FMN1: variants seen among roughly 807,000 people sequenced by gnomAD.
FMN1 encodes formin 1.
Under a neutral mutation model 132.4 loss-of-function variants are expected in FMN1, and 110 were observed. That is an observed-to-expected ratio of 0.83 (90% CI 0.71 to 0.97). FMN1 has a LOEUF of 0.97. FMN1 is among the 50% of genes least tolerant of loss of function. The pLI, the probability that FMN1 is intolerant of heterozygous loss-of-function variation, is 0.00. For synonymous variants in FMN1, 722 were observed against 651.7 expected, an observed-to-expected ratio of 1.11 and a Z score of -1.64; for missense variants, 1,792 against 1,705.3, an observed-to-expected ratio of 1.05 and a Z score of -0.90.
At chr15:32,915,970 GCTT>G (rs894930008) in intron 10 of FMN1, among the ~76,000 whole-genome samples, 14 of 152,138 alleles carry the variant, frequency 9.2e-5, no homozygotes, top group African/African-American at 2.7e-4. Context: ...TGGTTTCTGG[GCTT>G]CTTTTTTGCA....
intron 4 of FMN1, among the ~76,000 whole-genome samples, chr15:33,107,355 A>G (rs540181762): frequency 3.3e-4 from 50 of 152,156 alleles, no homozygotes; most frequent in Non-Finnish European, 6.3e-4. Context: ...CATGCCAACG[A>G]TCTTTTAAAA....
chr15:33,123,831 A>G (rs1175443258), intron 4 of FMN1, among the ~76,000 whole-genome samples: 2 of 152,222 alleles, frequency 1.3e-5, no homozygotes, highest in Non-Finnish European at 2.9e-5. Context: ...GCTTAGGCAG[A>G]ATAGAATTTG....
At chr15:33,149,116 T>A (rs981090715) in intron 4 of FMN1, among the ~76,000 whole-genome samples, 1 of 152,038 alleles carries the variant, frequency 6.6e-6, no homozygotes, top group Non-Finnish European at 1.5e-5. Context: ...GAAATAAAAT[T>A]AATGCCTTTC....
In FMN1 at chr15:32,770,486, C is replaced by T. The variant is rs2140834594; in HGVS notation, c.*3824G>A. 6.6e-6 allele frequency: 1 copy of T among 152,348 alleles called. No individual in the cohort carries two copies. The highest frequency in any genetic ancestry group is 2.1e-4 in the South Asian group (1 of 4,822). 9.4% of individuals were successfully genotyped at this position (152,348 alleles called of 1,614,324 possible). On this transcript the variant is annotated 3_prime_UTR_variant, in exon 21 of 21. Transcript: ENST00000616417. ...AACATATTTCTTCTGCTACATCTCA[C>T]TGCGGCCCTTAGAAAAACCGTACCA...
intron 11 of FMN1, 114 bp from the exon 12 acceptor site, chr15:32,908,692 T>C (rs1015109106): frequency 1.2e-4 from 77 of 638,032 alleles, no homozygotes; most frequent in Non-Finnish European, 1.8e-4. Flanking sequence ...ACTAGCAGCA[T>C]CAACAACATC....
chr15:32,932,228 G>A lies in FMN1; in HGVS notation c.3139-5967C>T, dbSNP rs113532122. Among the ~76,000 whole-genome samples, 435 of 152,148 alleles carry A rather than the reference G, an allele frequency of 2.9e-3. 1 individual carries two copies. Among genetic ancestry groups the A allele is most frequent in the African/African-American group, 0.01 (417 of 41,510 alleles). On this transcript the variant is annotated intron_variant, in intron 9 of 20. Transcript: ENST00000616417. ...AGCCTGGCCAACATGGTGAAACCCC[G>A]TCTCTACTAAAAATACAAAAAATTA...
intron 6 of FMN1, among the ~76,000 whole-genome samples, chr15:33,017,726 A>C (rs1455969573): frequency 6.6e-6 from 1 of 152,224 alleles, no homozygotes; most frequent in Non-Finnish European, 1.5e-5. Flanking sequence ...TCTCCAAGCC[A>C]CTAGTTTCTT....
At chr15:32,892,112 G>A (rs940523160) in intron 15 of FMN1, among the ~76,000 whole-genome samples, 1 of 152,128 alleles carries the variant, frequency 6.6e-6, no homozygotes, top group African/African-American at 2.4e-5. Flanking sequence ...AGTGGCGAGA[G>A]TGGGCATCCT....
chr15:33,078,853 G>GT (rs2038332923), intron 5 of FMN1, among the ~76,000 whole-genome samples: 1 of 152,098 alleles, frequency 6.6e-6, no homozygotes, highest in African/African-American at 2.4e-5. Flanking sequence ...TATAAATGAC[G>GT]TACGTAGCAA....
intron 17 of FMN1, among the ~76,000 whole-genome samples, chr15:32,816,464 TTTTG>T (rs926907039): frequency 2.0e-5 from 3 of 152,300 alleles, no homozygotes; most frequent in South Asian, 2.1e-4. Flanking sequence ...TTAAGAGGAT[TTTTG>T]TTTTTCATTT....
intron 4 of FMN1, among the ~76,000 whole-genome samples, chr15:33,117,510 T>A (rs558337486): frequency 6.6e-6 from 1 of 152,336 alleles, no homozygotes; most frequent in South Asian, 2.1e-4. Flanking sequence ...TAATTTAACC[T>A]TAATATGCTT....
chr15:33,002,043 C>T (rs372193639), intron 7 of FMN1, among the ~76,000 whole-genome samples: 2 of 152,166 alleles, frequency 1.3e-5, no homozygotes. Flanking sequence ...ATGGTTAAAA[C>T]AAAATGGAAA....
intron 3 of FMN1, among the ~76,000 whole-genome samples, chr15:33,172,923 A>T (rs1166740368): frequency 3.9e-5 from 6 of 152,234 alleles, no homozygotes; most frequent in Non-Finnish European, 8.8e-5. Flanking sequence ...TAGGAAGAAG[A>T]GAATAGGGAA....
chr15:32,984,751 T>G (rs1172395417), intron 7 of FMN1, among the ~76,000 whole-genome samples: 1 of 152,074 alleles, frequency 6.6e-6, no homozygotes, highest in Non-Finnish European at 1.5e-5. Flanking sequence ...TTCAACATTT[T>G]TTTCTACACA....
chr15:33,186,355 A>G (rs1379876744), intron 2 of FMN1, among the ~76,000 whole-genome samples: 9 of 152,158 alleles, frequency 5.9e-5, no homozygotes, highest in Non-Finnish European at 1.3e-4. Context: ...CATGCTGAGT[A>G]AACCATCCCA....
At chr15:32,880,493 T>C (rs887298572) in intron 16 of FMN1, among the ~76,000 whole-genome samples, 4 of 152,212 alleles carry the variant, frequency 2.6e-5, no homozygotes, top group African/African-American at 9.6e-5. Flanking sequence ...GCTGCCATCC[T>C]GGGCTTTTTC....
At chr15:32,804,250 A>G (rs145907477) in intron 18 of FMN1, 31 bp downstream of exon 18, 22,219 of 1,515,086 alleles carry the variant, frequency 0.015, 210 homozygotes, top group Non-Finnish European at 0.017. Flanking sequence ...CTAGTCAAAG[A>G]AAGAACTGGG....
intron 17 of FMN1, among the ~76,000 whole-genome samples, chr15:32,807,687 T>C (rs555388179): frequency 2.0e-5 from 3 of 152,296 alleles, no homozygotes; most frequent in African/African-American, 4.8e-5. Flanking sequence ...AGGTAAGATT[T>C]TGCAATACCT....
At chr15:32,858,385 G>A (rs1304521102) in intron 16 of FMN1, among the ~76,000 whole-genome samples, 1 of 152,056 alleles carries the variant, frequency 6.6e-6, no homozygotes, top group Non-Finnish European at 1.5e-5. Flanking sequence ...GACAACCCTG[G>A]GGACTACAAA....
Sources: gnomAD v4.1 joint callset for allele counts (sites outside exome capture counted in the v4.1 genomes callset) on GRCh38, gnomAD v4.1.1 for gene constraint, MANE v1.5 for transcripts, NCBI Gene and HGNC (gene_info 2026-07-23, HGNC 2026-07-21) for gene names.